SATB2: variants seen among roughly 807,000 people sequenced by gnomAD.
SATB2 encodes the protein SATB homeobox 2, also known as DNA-binding protein SATB2.
In SATB2, 1 loss-of-function variant was observed where a neutral mutation model predicts 73.4. The ratio of observed to expected loss-of-function variants is 0.01; its 90% CI spans 0.00 to 0.06. The LOEUF is 0.06. Ranked by LOEUF, SATB2 falls within the 10% of genes least tolerant of loss-of-function variation. The probability of loss-of-function intolerance (pLI) is 1.00; values close to 1 mark genes in which losing one functional copy is unlikely to be tolerated. For missense variants in SATB2, 459 were observed against 945.8 expected (o/e 0.49, Z 6.75); for synonymous variants, 397 against 367.0 (o/e 1.08, Z -0.93).
chr2:199,280,475 G>A (rs539513160), intron 10 of SATB2, among the ~76,000 whole-genome samples: 16 of 152,284 alleles, frequency 1.1e-4, no homozygotes, highest in Admixed American at 3.3e-4. Context: ...TGAGCCGGGC[G>A]GAACAGAGCC....
chr2:199,283,283 G>T (rs1692585952), intron 10 of SATB2, among the ~76,000 whole-genome samples: 1 of 149,056 alleles, frequency 6.7e-6, no homozygotes, highest in South Asian at 2.1e-4. Flanking sequence ...GTAGGGACGG[G>T]GTTTCATCGT....
chr2:199,418,176 A>G (rs1691051418), intron 3 of SATB2, among the ~76,000 whole-genome samples: 1 of 152,076 alleles, frequency 6.6e-6, no homozygotes, highest in Non-Finnish European at 1.5e-5. Context: ...TACAAGGGGG[A>G]ATTATAATTA....
chr2:199,397,674 A>G (rs958038404), intron 3 of SATB2: 1 of 270,144 alleles, frequency 3.7e-6, no homozygotes. Flanking sequence ...ATTTCACTTG[A>G]GGTCAGGAGT....
Position 199,456,054 on chromosome 2 carries a change from G to A in SATB2, c.-17C>T, listed in dbSNP as rs765509495. On this transcript the variant is annotated 5_prime_UTR_variant, in exon 2 of 11. Transcript: ENST00000417098. ...CCGCTCCATGCTGCTCCGACTCGGA[G>A]ACAAAGTTCCCACCGGCAGGTCGCA... 1.2e-4 allele frequency: 149 copies of A among 1,286,152 alleles called. No homozygotes were observed. The highest frequency in any genetic ancestry group is 1.5e-4 in the Non-Finnish European group (145 of 992,748). 79.7% of individuals were successfully genotyped at this position (1,286,152 alleles called of 1,614,324 possible).
chr2:199,390,419 TC>T (rs1270986561), intron 3 of SATB2, among the ~76,000 whole-genome samples: 1 of 152,240 alleles, frequency 6.6e-6, no homozygotes, highest in Non-Finnish European at 1.5e-5. Flanking sequence ...CTAAGTTTAA[TC>T]ATTTTCTAAA....
In SATB2 at chr2:199,423,472, A is replaced by ATG. The variant is rs1208489431; in HGVS notation, c.346+9865_346+9866insCA. ...CCTATCTTTCAATAGTGCTCAAAAG[A>ATG]CTAAAGATCTTAATTTTAAAATCTT... On this transcript the variant is annotated intron_variant, in intron 3 of 10. Transcript: ENST00000417098. 1.7e-4 allele frequency among the ~76,000 whole-genome samples: 26 copies of ATG among 152,242 alleles called. 1 individual carries two copies. In the South Asian group the frequency reaches 5.2e-3, roughly 31 times the overall value.
intron 3 of SATB2, among the ~76,000 whole-genome samples, chr2:199,382,119 C>T (rs1264314390): frequency 2.0e-5 from 3 of 152,076 alleles, no homozygotes; most frequent in Non-Finnish European, 4.4e-5. Flanking sequence ...AATTGTTTCA[C>T]ATTCTAACTT....
chr2:199,420,224 C>G (rs962466287), intron 3 of SATB2, among the ~76,000 whole-genome samples: 1 of 152,124 alleles, frequency 6.6e-6, no homozygotes, highest in East Asian at 1.9e-4. Flanking sequence ...TTATGCCACA[C>G]GAGGTTTGCG....
intron 8 of SATB2, among the ~76,000 whole-genome samples, chr2:199,325,036 C>T (rs893130225): frequency 6.6e-6 from 1 of 152,150 alleles, no homozygotes; most frequent in African/African-American, 2.4e-5. Context: ...ATGTAACAGG[C>T]AGTGTGGACT....
At chr2:199,458,021 T>C (rs909345423), upstream of SATB2, 1 of 156,028 alleles carries the variant, frequency 6.4e-6, no homozygotes, top group Non-Finnish European at 1.4e-5. Context: ...TGAGTCCTTT[T>C]GGGTTGTCCT....
chr2:199,336,270 A>G (rs2105806333), intron 7 of SATB2, among the ~76,000 whole-genome samples: 1 of 152,268 alleles, frequency 6.6e-6, no homozygotes, highest in African/African-American at 2.4e-5. Flanking sequence ...TTTTACTAGT[A>G]GTGTTCTTCA....
At chr2:199,340,566 T>C (rs1377322913) in intron 7 of SATB2, among the ~76,000 whole-genome samples, 1 of 152,162 alleles carries the variant, frequency 6.6e-6, no homozygotes, top group Non-Finnish European at 1.5e-5. Context: ...CCTGAAACTT[T>C]CTTAATTATG....
At chr2:199,448,804 T>A (rs1032040905) in intron 2 of SATB2, among the ~76,000 whole-genome samples, 17 of 152,182 alleles carry the variant, frequency 1.1e-4, no homozygotes, top group African/African-American at 4.1e-4. Flanking sequence ...AATTTTTTGA[T>A]CTTTTTTGTT....
chr2:199,336,586 C>T (rs893977328), intron 7 of SATB2, among the ~76,000 whole-genome samples: 3 of 152,260 alleles, frequency 2.0e-5, no homozygotes, highest in East Asian at 3.9e-4. Flanking sequence ...GAAACAGTTA[C>T]AAAATATTAT....
At chr2:199,293,765 A>G (rs1692942874) in intron 10 of SATB2, among the ~76,000 whole-genome samples, 1 of 152,134 alleles carries the variant, frequency 6.6e-6, no homozygotes, top group Non-Finnish European at 1.5e-5. Flanking sequence ...TGTCTGTGAG[A>G]TCACAAACCA....
intron 10 of SATB2, among the ~76,000 whole-genome samples, chr2:199,290,138 GCT>G (rs1692812234): frequency 6.6e-6 from 1 of 152,232 alleles, no homozygotes; most frequent in South Asian, 2.1e-4. Flanking sequence ...CCAGACTCAT[GCT>G]GTGTCACCCT....
At chr2:199,367,186 C>T (rs527667370) in intron 6 of SATB2, among the ~76,000 whole-genome samples, 35 of 152,240 alleles carry the variant, frequency 2.3e-4, no homozygotes, top group African/African-American at 8.4e-4. Flanking sequence ...AGAAAAGAAA[C>T]CTTCTGAGCC....
intron 10 of SATB2, among the ~76,000 whole-genome samples, chr2:199,285,197 A>C (rs2105731949): frequency 6.6e-6 from 1 of 152,284 alleles, no homozygotes; most frequent in Non-Finnish European, 1.5e-5. Flanking sequence ...GAGACCAAAA[A>C]GTTTGAAAAC....
chr2:199,440,822 A>G (rs1691793115), intron 2 of SATB2, among the ~76,000 whole-genome samples: 1 of 151,084 alleles, frequency 6.6e-6, no homozygotes, highest in African/African-American at 2.4e-5. Context: ...TTTTCCAGTT[A>G]TGAGGAAGGC....
Sources: gnomAD v4.1 joint callset for allele counts (sites outside exome capture counted in the v4.1 genomes callset) on GRCh38, gnomAD v4.1.1 for gene constraint, MANE v1.5 for transcripts, NCBI Gene and HGNC (gene_info 2026-07-23, HGNC 2026-07-21) for gene names.